Variants in NCR3LG1 observed in about 807,000 individuals in gnomAD.
NCR3LG1 encodes the protein natural cytotoxicity triggering receptor 3 ligand 1.
NCR3LG1 carries 35 observed loss-of-function variants against 34.8 expected under a neutral mutation model. The ratio of observed to expected loss-of-function variants is 1.01; its 90% confidence interval spans 0.77 to 1.33. The LOEUF (loss-of-function observed/expected upper bound fraction) is 1.33, where lower values mean the gene tolerates loss of function less well. Among genes scored for constraint, NCR3LG1 ranks in the 40% most tolerant of loss-of-function variants. The pLI is 0.00. For synonymous variants in NCR3LG1, 173 were observed against 163.6 expected (o/e 1.06, Z -0.44); for missense variants, 452 against 423.3 (o/e 1.07, Z -0.60).
Position 17,356,686 on chromosome 11 carries a change from C to T in NCR3LG1, c.106C>T (p.Gln36Ter), listed in dbSNP as rs978426933. The change falls in exon 2 of 5, where the codon CAG (glutamine) becomes TAG (stop). Residue 36 changes from glutamine (Q) to a stop codon, truncating the protein, a stop_gained. Coordinates refer to ENST00000338965, the MANE Select transcript of NCR3LG1 (RefSeq NM_001202439.3). LOFTEE classifies it high-confidence loss of function. Reference protein sequence around the residue: ...LKVEMMAGGTQITPLNDNVTI... With the variant: ...LKVEMMAGGT ...AGTAGAGATGATGGCAGGGGGGACTCAGATCACACCCCTGAATGACAATGT... is the reference window on the plus strand; with the variant it reads ...AGTAGAGATGATGGCAGGGGGGACTTAGATCACACCCCTGAATGACAATGT... The T allele has an allele frequency of 1.3e-6, 2 of 1,535,882 alleles. No homozygotes were observed. The highest frequency in any genetic ancestry group is 2.0e-5 in the Admixed American group (1 of 50,990).
At chr11:17,367,395 A>G (rs1217614997) in intron 3 of NCR3LG1, 48 bp downstream of exon 3, 40 of 1,395,092 alleles carry the variant, frequency 2.9e-5, no homozygotes, top group Non-Finnish European at 3.3e-5. Flanking sequence ...TTGAGGGACT[A>G]TAACATAAGA....
chr11:17,353,665 A>AGCGGAGAGGGAGGAAC (rs1565500170), intron 1 of NCR3LG1, among the ~76,000 whole-genome samples: 1 of 152,200 alleles, frequency 6.6e-6, no homozygotes, highest in Non-Finnish European at 1.5e-5. Flanking sequence ...TTCTCAGGGA[A>AGCGGAGAGGGAGGAAC]GCGGAGAGGG....
chr11:17,357,563 T>G (rs1469407302), intron 2 of NCR3LG1, among the ~76,000 whole-genome samples: 1 of 152,084 alleles, frequency 6.6e-6, no homozygotes, highest in Non-Finnish European at 1.5e-5. Context: ...TTGTCCGTAG[T>G]AATTTTGGGA....
chr11:17,355,423 A>C (rs1435729451), intron 1 of NCR3LG1, among the ~76,000 whole-genome samples: 1 of 151,904 alleles, frequency 6.6e-6, no homozygotes, highest in Non-Finnish European at 1.5e-5. Context: ...AAAACATCAA[A>C]AAAAAAAGAG....
At chr11:17,359,792 A>G (rs188179976) in intron 2 of NCR3LG1, among the ~76,000 whole-genome samples, 5 of 151,972 alleles carry the variant, frequency 3.3e-5, no homozygotes, top group East Asian at 3.9e-4. Context: ...GATTACAGGC[A>G]TGAACCACCA....
At position 17,374,788 on chromosome 11, in the gene NCR3LG1, T is replaced by C. The variant is rs992908616; in HGVS notation, c.*2276T>C. The C allele has an allele frequency of 6.6e-6, 1 of 152,188 alleles. No individual in the cohort carries two copies. The highest frequency in any genetic ancestry group is 1.5e-5 in the Non-Finnish European group (1 of 68,040). 9.4% of individuals were successfully genotyped at this position (152,188 alleles called of 1,614,324 possible). A position where few individuals can be genotyped will look rare whatever the true frequency, so the allele number is the denominator to read the frequency against. On this transcript the variant is annotated 3_prime_UTR_variant, in exon 5 of 5. Transcript: ENST00000338965. ...TAAAAGAAATTCAAGTGGCTAAAAC[T>C]CACTTCCTGACCTGGGAACCTGAAG... is the stretch of plus-strand genomic sequence containing the variant.
intron 1 of NCR3LG1, among the ~76,000 whole-genome samples, chr11:17,353,574 C>T (rs1953166952): frequency 6.6e-6 from 1 of 152,208 alleles, no homozygotes; most frequent in Non-Finnish European, 1.5e-5. Context: ...GGCGCCCCCT[C>T]CTCAGGGGCC....
At chr11:17,355,587 T>G (rs1460533420) in intron 1 of NCR3LG1, among the ~76,000 whole-genome samples, 2 of 152,210 alleles carry the variant, frequency 1.3e-5, no homozygotes. Flanking sequence ...GTCTTAGTCT[T>G]GCCAGGCTAC....
intron 2 of NCR3LG1, among the ~76,000 whole-genome samples, chr11:17,357,280 T>C (rs1006921605): frequency 1.3e-5 from 2 of 152,246 alleles, no homozygotes; most frequent in Admixed American, 1.3e-4. Context: ...GCCTCTCTTC[T>C]CTGGCCATCT....
chr11:17,356,862 T>TCC lies in NCR3LG1; in HGVS notation c.282_283insCC (p.Val95ProfsTer7), dbSNP rs1953215415. 1.3e-6 allele frequency: 2 copies of TCC among 1,535,992 alleles called. No homozygotes were observed. Among genetic ancestry groups the TCC allele is most frequent in the Admixed American group, 3.9e-5 (2 of 50,972 alleles). On this transcript the variant is annotated frameshift_variant, in exon 2 of 5. Transcript: ENST00000338965. LOFTEE classifies it high-confidence loss of function. ...AAGAGGCATTCCGACCTGGAGCCAT[T>TCC]GTGTCTCCATGGAGGCTGAAGAGTG...
chr11:17,368,229 C>T (rs1001985316), intron 3 of NCR3LG1, among the ~76,000 whole-genome samples: 8 of 152,258 alleles, frequency 5.3e-5, no homozygotes, highest in Middle Eastern at 3.4e-3. Context: ...ACACAGTTCA[C>T]GGCAGACCCA....
chr11:17,360,209 C>T (rs996237020), intron 2 of NCR3LG1, among the ~76,000 whole-genome samples: 1 of 152,122 alleles, frequency 6.6e-6, no homozygotes, highest in Admixed American at 6.5e-5. Context: ...GATGTTTGTT[C>T]AGATTGTTTG....
At chr11:17,354,597 A>T (rs1953184863) in intron 1 of NCR3LG1, among the ~76,000 whole-genome samples, 1 of 122,034 alleles carries the variant, frequency 8.2e-6, no homozygotes, top group African/African-American at 2.9e-5. Flanking sequence ...CGTTTTTAAG[A>T]GTGACAATAC....
At position 17,367,784 on chromosome 11, in the gene NCR3LG1, AAC is replaced by A. The variant is rs1204619443; in HGVS notation, c.760+438_760+439del. Among the ~76,000 whole-genome samples, 3 of 150,918 alleles carry A rather than the reference AAC, an allele frequency of 2.0e-5. No homozygotes were observed. The East Asian group carries it at 5.8e-4, about 29-fold the overall frequency. ...CTAATAAGGCTCTAGGTCCACTGTA[AAC>A]TGTTGGCTGGTAGAGGCTGACTCAG... On this transcript the variant is annotated intron_variant, in intron 3 of 4. Transcript: ENST00000338965.
chr11:17,365,772 A>G (rs1271752925), intron 2 of NCR3LG1, among the ~76,000 whole-genome samples: 2 of 152,174 alleles, frequency 1.3e-5, no homozygotes, highest in African/African-American at 4.8e-5. Flanking sequence ...AAAACCCATG[A>G]AAGTGTGGTA....
chr11:17,362,225 G>T (rs937879674), intron 2 of NCR3LG1, among the ~76,000 whole-genome samples: 20 of 152,108 alleles, frequency 1.3e-4, no homozygotes, highest in African/African-American at 4.8e-4. Context: ...TTATTGGTAT[G>T]ATCATATAAT....
At chr11:17,368,260 C>T (rs1333709370) in intron 3 of NCR3LG1, among the ~76,000 whole-genome samples, 2 of 152,090 alleles carry the variant, frequency 1.3e-5, no homozygotes, top group Non-Finnish European at 2.9e-5. Flanking sequence ...TGGGCTGGGG[C>T]TTTTTGAGCT....
intron 3 of NCR3LG1, 27 bp from the exon 4 acceptor site, chr11:17,368,840 G>A: frequency 5.5e-6 from 8 of 1,450,918 alleles, no homozygotes; most frequent in Non-Finnish European, 7.5e-6. Context: ...TAGGTTTCCT[G>A]CTAATGTTTT....
intron 2 of NCR3LG1, among the ~76,000 whole-genome samples, chr11:17,362,691 C>CCTTTCTTTCTTTCTTT (rs757163762): frequency 6.0e-5 from 2 of 33,162 alleles, no homozygotes; most frequent in Non-Finnish European, 9.5e-5. Flanking sequence ...TTCCTTCCTT[C>CCTTTCTTTCTTTCTTT]CTTTCTTTCT....
Sources: allele counts gnomAD v4.1 joint callset (sites outside exome capture counted in the v4.1 genomes callset), GRCh38; gene constraint gnomAD v4.1.1; transcripts MANE v1.5; gene names NCBI Gene and HGNC (gene_info 2026-07-23, HGNC 2026-07-21).